Variants in TTC27 observed in about 807,000 individuals in gnomAD.
The protein encoded by TTC27 is tetratricopeptide repeat domain 27, also known as tetratricopeptide repeat protein 27.
In TTC27, 79 loss-of-function variants were observed where a neutral mutation model predicts 115.9. That is an observed-to-expected ratio of 0.68 (90% CI 0.57 to 0.82). The LOEUF is 0.82. Among genes scored for constraint, TTC27 ranks in the 40% least tolerant of loss-of-function variants. TTC27 has a pLI of 0.00. For missense variants in TTC27, 1,054 were observed against 993.1 expected, an observed-to-expected ratio of 1.06 and a Z score of -0.82; for synonymous variants, 401 against 356.0, an observed-to-expected ratio of 1.13 and a Z score of -1.42.
intron 9 of TTC27, among the ~76,000 whole-genome samples, chr2:32,697,615 G>A (rs1235742260): frequency 6.6e-6 from 1 of 152,190 alleles, no homozygotes; most frequent in African/African-American, 2.4e-5. Context: ...AATTTTGGAG[G>A]TGGTTGGTCA....
At chr2:32,771,106 C>A (rs1669815191) in intron 13 of TTC27, among the ~76,000 whole-genome samples, 1 of 152,140 alleles carries the variant, frequency 6.6e-6, no homozygotes. Flanking sequence ...TACCATAGAC[C>A]TGATTCTGAA....
chr2:32,654,859 C>T (rs891000430), intron 5 of TTC27, among the ~76,000 whole-genome samples: 7 of 152,010 alleles, frequency 4.6e-5, no homozygotes, highest in African/African-American at 1.4e-4. Context: ...CCATGCCTGG[C>T]TAATTTTTAT....
intron 8 of TTC27, among the ~76,000 whole-genome samples, chr2:32,677,517 T>G (rs1234052000): frequency 2.0e-5 from 3 of 152,134 alleles, no homozygotes; most frequent in Non-Finnish European, 4.4e-5. Flanking sequence ...TGGCGCAATC[T>G]TGGCTCACTG....
chr2:32,704,454 C>T (rs1667297550), intron 10 of TTC27, among the ~76,000 whole-genome samples: 1 of 152,072 alleles, frequency 6.6e-6, no homozygotes, highest in Non-Finnish European at 1.5e-5. Flanking sequence ...TCCCAAAGTG[C>T]TAGGATTACA....
chr2:32,798,713 A>AAAAAAT (rs1368512271), intron 16 of TTC27, among the ~76,000 whole-genome samples: 2,310 of 142,214 alleles, frequency 0.016, 24 homozygotes, highest in Middle Eastern at 0.033. Context: ...TCAAAAAAAA[A>AAAAAAT]AATAATAATA....
Position 32,782,636 on chromosome 2 carries a change from C to A in TTC27, c.1790C>A (p.Ala597Asp), listed in dbSNP as rs777400596. ...TCTCTATCATTTCAGAATGCTGAAG[C>A]TTGGAACAATTTGTCAACTTCCTAT... ...CVTLEPDNAE[A>D]WNNLSTSYIR... The change falls in exon 15 of 20, where the codon GCT becomes GAT. Residue 597 changes from alanine to aspartate, a missense_variant. Transcript: ENST00000317907. 2.2e-5 allele frequency: 36 copies of A among 1,611,632 alleles called. No homozygotes were observed. The South Asian group carries it at 3.5e-4, about 16-fold the overall frequency.
At chr2:32,739,424 C>T (rs916455585) in intron 12 of TTC27, among the ~76,000 whole-genome samples, 11 of 151,968 alleles carry the variant, frequency 7.2e-5, no homozygotes, top group African/African-American at 2.7e-4. Context: ...ATAATGAATC[C>T]ATCCCCTTCA....
At chr2:32,768,158 A>T (rs962240387) in intron 13 of TTC27, among the ~76,000 whole-genome samples, 1 of 152,242 alleles carries the variant, frequency 6.6e-6, no homozygotes, top group Admixed American at 6.5e-5. Flanking sequence ...GTACAAAATT[A>T]TAATTGTACA....
intron 15 of TTC27, among the ~76,000 whole-genome samples, chr2:32,785,874 G>A (rs1034919602): frequency 2.0e-5 from 3 of 152,086 alleles, no homozygotes; most frequent in Non-Finnish European, 4.4e-5. Flanking sequence ...GATTAGAGTT[G>A]TGAGCCACTG....
chr2:32,732,234 G>T (rs1668315220), intron 10 of TTC27, among the ~76,000 whole-genome samples: 1 of 152,164 alleles, frequency 6.6e-6, no homozygotes, highest in African/African-American at 2.4e-5. Flanking sequence ...GCAGCAGCAT[G>T]CAATCTTTTT....
chr2:32,759,423 G>T (rs1669357159), intron 13 of TTC27, among the ~76,000 whole-genome samples: 1 of 151,952 alleles, frequency 6.6e-6, no homozygotes, highest in African/African-American at 2.4e-5. Flanking sequence ...TTTAATTGTG[G>T]TAAAAAACAT....
intron 13 of TTC27, among the ~76,000 whole-genome samples, chr2:32,775,364 A>T (rs1014130640): frequency 6.6e-6 from 1 of 151,756 alleles, no homozygotes; most frequent in African/African-American, 2.4e-5. Context: ...CGCCCGGCTA[A>T]TTTTTTTGTA....
At chr2:32,803,152 T>G (rs1671012309) in intron 16 of TTC27, among the ~76,000 whole-genome samples, 1 of 152,206 alleles carries the variant, frequency 6.6e-6, no homozygotes, top group Non-Finnish European at 1.5e-5. Flanking sequence ...GTGGCCTGGT[T>G]CCTCAGGAAA....
chr2:32,701,904 G>C (rs529399656), intron 9 of TTC27, among the ~76,000 whole-genome samples: 1 of 151,818 alleles, frequency 6.6e-6, no homozygotes, highest in African/African-American at 2.4e-5. Context: ...CAAGCTACTC[G>C]GGTAGCTGAG....
chr2:32,809,616 C>T (rs1671248283), intron 16 of TTC27, among the ~76,000 whole-genome samples: 1 of 152,196 alleles, frequency 6.6e-6, no homozygotes, highest in South Asian at 2.1e-4. Context: ...ACAGTACTTT[C>T]CTCAAGCTGG....
At chr2:32,818,364 G>A (rs1558359895) in intron 19 of TTC27, among the ~76,000 whole-genome samples, 1 of 152,184 alleles carries the variant, frequency 6.6e-6, no homozygotes, top group Non-Finnish European at 1.5e-5. Context: ...AAAATATTAA[G>A]TAGGTCGTAT....
chr2:32,740,930 C>T (rs1311860771), intron 12 of TTC27, among the ~76,000 whole-genome samples: 1 of 152,196 alleles, frequency 6.6e-6, no homozygotes, highest in African/African-American at 2.4e-5. Flanking sequence ...GCTGGGATTA[C>T]AGGCATGAGC....
At chr2:32,670,772 C>G (rs964486799) in intron 7 of TTC27, among the ~76,000 whole-genome samples, 1 of 152,120 alleles carries the variant, frequency 6.6e-6, no homozygotes, top group African/African-American at 2.4e-5. Flanking sequence ...TATACGCCAC[C>G]ATGCCTGGCT....
At chr2:32,774,747 A>C (rs919308018) in intron 13 of TTC27, among the ~76,000 whole-genome samples, 1 of 152,234 alleles carries the variant, frequency 6.6e-6, no homozygotes, top group Non-Finnish European at 1.5e-5. Context: ...GAGGCACCAA[A>C]TATTGTCTGT....
Sources: gnomAD v4.1 joint callset for allele counts (sites outside exome capture counted in the v4.1 genomes callset) on GRCh38, gnomAD v4.1.1 for gene constraint, MANE v1.5 for transcripts, NCBI Gene and HGNC (gene_info 2026-07-23, HGNC 2026-07-21) for gene names.